Variants in SLIT3 observed in about 807,000 individuals in gnomAD.
SLIT3 encodes the protein slit homolog 3 protein.
In SLIT3, 68 loss-of-function variants were observed where a neutral mutation model predicts 184.0. That is an observed-to-expected ratio of 0.37 (90% confidence interval 0.30 to 0.45). The LOEUF is 0.45. Ranked by LOEUF, SLIT3 falls within the 20% of genes least tolerant of loss-of-function variation. The pLI, the probability that SLIT3 is intolerant of heterozygous loss-of-function variation, is 1.00. For synonymous variants in SLIT3, 831 were observed against 828.6 expected (o/e 1.00, Z -0.05); for missense variants, 1,707 against 2,026.0 (o/e 0.84, Z 3.02).
intron 4 of SLIT3, among the ~76,000 whole-genome samples, chr5:168,939,505 T>C (rs1162503992): frequency 1.3e-5 from 2 of 152,200 alleles, no homozygotes; most frequent in Admixed American, 6.5e-5. Context: ...AACTTAATAA[T>C]GCAAACAAGA....
Position 168,665,054 on chromosome 5 carries a change from C to T in SLIT3, c.*1400G>A, listed in dbSNP as rs1760991880. 1 of 152,226 alleles carries T rather than the reference C, an allele frequency of 6.6e-6. No homozygotes were observed. Among genetic ancestry groups the T allele is most frequent in the Admixed American group, 6.5e-5 (1 of 15,286 alleles). The allele number at this position is 152,226 out of a possible 1,614,324, so 9.4% of individuals were successfully genotyped here. On this transcript the variant is annotated 3_prime_UTR_variant, in exon 36 of 36. Transcript: ENST00000519560. ...TGATGGATTTAAGCCGCCTGAATCA[C>T]CTGTGCTCACCCATTCTAGAGGAAG...
At chr5:168,962,718 C>G (rs758706200) in intron 4 of SLIT3, among the ~76,000 whole-genome samples, 10 of 152,210 alleles carry the variant, frequency 6.6e-5, no homozygotes, top group Non-Finnish European at 1.5e-4. Context: ...CCCACACATC[C>G]CACTTCATGG....
At chr5:169,151,820 G>A (rs1352023398) in intron 4 of SLIT3, among the ~76,000 whole-genome samples, 1 of 152,158 alleles carries the variant, frequency 6.6e-6, no homozygotes, top group African/African-American at 2.4e-5. Context: ...AGGCAGAAGA[G>A]CAAACTGGTG....
intron 27 of SLIT3, 51 bp from the exon 28 acceptor site, chr5:168,696,482 GGT>G (rs1312459006): frequency 1.2e-6 from 2 of 1,607,850 alleles, no homozygotes; most frequent in Non-Finnish European, 1.7e-6. Flanking sequence ...CAGGGAGAGA[GGT>G]GGGTTGGGAT....
At chr5:169,041,301 T>C (rs1292577190) in intron 4 of SLIT3, among the ~76,000 whole-genome samples, 3 of 152,208 alleles carry the variant, frequency 2.0e-5, no homozygotes, top group Admixed American at 6.5e-5. Context: ...AAGATGTGAA[T>C]GAGACACAGT....
intron 4 of SLIT3, among the ~76,000 whole-genome samples, chr5:169,160,928 GA>G (rs566744838): frequency 3.3e-4 from 50 of 152,150 alleles, no homozygotes; most frequent in Non-Finnish European, 5.9e-4. Flanking sequence ...GCAGAGAAAA[GA>G]AAAAAGGGCA....
chr5:168,820,745 GTGAA>G (rs1382462319), intron 7 of SLIT3, among the ~76,000 whole-genome samples: 3 of 152,140 alleles, frequency 2.0e-5, no homozygotes, highest in African/African-American at 7.2e-5. Flanking sequence ...AGAACATAAG[GTGAA>G]TGAATACAAA....
At position 168,998,618 on chromosome 5, in the gene SLIT3, C is replaced by T. The variant is rs369551553; in HGVS notation, c.414-115282G>A. ...ACTCAGGAGGCCGAGGCAGGAGAAT[C>T]GCTTGAACCCGAGAGGCAGAGGTTG... On this transcript the variant is annotated intron_variant, in intron 4 of 35. Coordinates refer to ENST00000519560, the MANE Select transcript of SLIT3 (RefSeq NM_003062.4). Among the ~76,000 whole-genome samples, 51 of 152,164 alleles carry T rather than the reference C, an allele frequency of 3.4e-4. No individual in the cohort carries two copies. The South Asian group carries it at 3.9e-3, about 12-fold the overall frequency.
intron 32 of SLIT3, among the ~76,000 whole-genome samples, chr5:168,676,398 G>A (rs1761412669): frequency 6.6e-6 from 1 of 152,202 alleles, no homozygotes; most frequent in African/African-American, 2.4e-5. Context: ...GGGAGGTGGA[G>A]TGGTGGGTAA....
Position 168,753,777 on chromosome 5 carries a change from C to T in SLIT3, c.1829+87G>A, listed in dbSNP as rs796493724. 7 of 1,470,272 alleles carry T rather than the reference C, an allele frequency of 4.8e-6. No homozygotes were observed. In the African/African-American group the frequency reaches 9.7e-5, roughly 20 times the overall value. The allele number at this position is 1,470,272 out of a possible 1,614,324, so 91.1% of individuals were successfully genotyped here. ...CAGCAGGCCAAGACAGTGCCTGGGTCCCACTTGCCTTCGTAGTCTGTCTCT... is the reference window on the plus strand; with the variant it reads ...CAGCAGGCCAAGACAGTGCCTGGGTTCCACTTGCCTTCGTAGTCTGTCTCT... On this transcript the variant is annotated intron_variant, in intron 17 of 35. Coordinates refer to ENST00000519560, the MANE Select transcript of SLIT3 (RefSeq NM_003062.4).
At chr5:168,844,126 T>C (rs1758366877) in intron 6 of SLIT3, among the ~76,000 whole-genome samples, 1 of 152,034 alleles carries the variant, frequency 6.6e-6, no homozygotes, top group South Asian at 2.1e-4. Flanking sequence ...CAAGGTCCCT[T>C]TCTGATTCAG....
At chr5:168,797,006 T>C (rs1756586452) in intron 9 of SLIT3, among the ~76,000 whole-genome samples, 1 of 151,190 alleles carries the variant, frequency 6.6e-6, no homozygotes, top group Non-Finnish European at 1.5e-5. Flanking sequence ...GAATAGAGTC[T>C]ACAAATGAGA....
At chr5:168,796,631 A>G (rs1434251081) in intron 9 of SLIT3, among the ~76,000 whole-genome samples, 1 of 152,156 alleles carries the variant, frequency 6.6e-6, no homozygotes, top group African/African-American at 2.4e-5. Context: ...GATGGGAGGA[A>G]CGGGCTTCCT....
chr5:168,933,560 A>C (rs557540716), intron 4 of SLIT3, among the ~76,000 whole-genome samples: 4 of 152,296 alleles, frequency 2.6e-5, no homozygotes, highest in Admixed American at 1.3e-4. Flanking sequence ...AAACAAAAAA[A>C]ACAGCCAGAG....
intron 23 of SLIT3, among the ~76,000 whole-genome samples, chr5:168,718,470 A>C (rs1762820219): frequency 6.6e-6 from 1 of 152,142 alleles, no homozygotes; most frequent in African/African-American, 2.4e-5. Context: ...CCACACGCAT[A>C]CAAGGCATGT....
At chr5:168,930,272 G>A (rs982387313) in intron 4 of SLIT3, among the ~76,000 whole-genome samples, 31 of 152,194 alleles carry the variant, frequency 2.0e-4, no homozygotes, top group Admixed American at 2.0e-3. Context: ...AGAGCCATAC[G>A]CTGTAAGGAG....
intron 3 of SLIT3, among the ~76,000 whole-genome samples, chr5:169,225,990 A>T (rs1764793784): frequency 1.3e-5 from 2 of 152,156 alleles, no homozygotes; most frequent in Admixed American, 6.5e-5. Flanking sequence ...CCTTTGAGCA[A>T]GAGAAGATAA....
chr5:169,187,475 G>A (rs968434353), intron 4 of SLIT3, among the ~76,000 whole-genome samples: 18 of 152,118 alleles, frequency 1.2e-4, no homozygotes, highest in African/African-American at 4.3e-4. Flanking sequence ...ATCTGGGATA[G>A]GTGGGCCAAA....
chr5:169,232,095 A>G (rs1347476969), intron 3 of SLIT3, among the ~76,000 whole-genome samples: 23 of 151,738 alleles, frequency 1.5e-4, no homozygotes, highest in Admixed American at 1.5e-3. Flanking sequence ...ATCTTCACCC[A>G]CTCTGGGACA....
Sources: gnomAD v4.1 joint callset for allele counts (sites outside exome capture counted in the v4.1 genomes callset) on GRCh38, gnomAD v4.1.1 for gene constraint, MANE v1.5 for transcripts, NCBI Gene and HGNC (gene_info 2026-07-23, HGNC 2026-07-21) for gene names.